OPCML: variants seen among roughly 807,000 people sequenced by gnomAD.
The protein encoded by OPCML is opioid-binding protein/cell adhesion molecule.
OPCML carries 13 observed loss-of-function variants against 37.8 expected under a neutral mutation model. The observed-to-expected ratio is 0.34, with a 90% CI of 0.22 to 0.55. OPCML has a LOEUF of 0.55. Among genes scored for constraint, OPCML ranks in the 20% least tolerant of loss-of-function variants. The probability of loss-of-function intolerance (pLI) is 0.91; values close to 1 mark genes in which losing one functional copy is unlikely to be tolerated. For synonymous variants in OPCML, 176 were observed against 168.8 expected (o/e 1.04, Z -0.33); for missense variants, 341 against 435.6 (o/e 0.78, Z 1.93).
At chr11:132,603,480 C>T (rs1938066197) in intron 3 of OPCML, among the ~76,000 whole-genome samples, 1 of 152,214 alleles carries the variant, frequency 6.6e-6, no homozygotes, top group Non-Finnish European at 1.5e-5. Flanking sequence ...TCTACCATCA[C>T]TCCTCTGGTT....
chr11:132,435,465 G>C (rs990158064), intron 7 of OPCML, among the ~76,000 whole-genome samples: 2 of 152,230 alleles, frequency 1.3e-5, no homozygotes, highest in African/African-American at 4.8e-5. Flanking sequence ...AAATGTTGCA[G>C]AAGGATATGG....
chr11:133,280,521 C>T (rs1942116062), intron 1 of OPCML, among the ~76,000 whole-genome samples: 1 of 152,154 alleles, frequency 6.6e-6, no homozygotes, highest in Admixed American at 6.5e-5. Context: ...AATTTCAAGA[C>T]AAGATCAAAT....
intron 1 of OPCML, among the ~76,000 whole-genome samples, chr11:132,949,902 G>T (rs1414168141): frequency 6.6e-6 from 1 of 152,182 alleles, no homozygotes; most frequent in Non-Finnish European, 1.5e-5. Context: ...ATTAAGAAAA[G>T]GTGTGATGAT....
At chr11:133,449,683 C>T (rs1946540931) in intron 1 of OPCML, among the ~76,000 whole-genome samples, 1 of 150,856 alleles carries the variant, frequency 6.6e-6, no homozygotes, top group African/African-American at 2.5e-5. Flanking sequence ...CTCTCTGTGT[C>T]CTCCCCTCAT....
intron 1 of OPCML, among the ~76,000 whole-genome samples, chr11:133,434,788 T>TTATATATATGTATATATATATATATA (rs1946197662): frequency 8.4e-6 from 1 of 119,202 alleles, no homozygotes; most frequent in Non-Finnish European, 1.7e-5. Context: ...AAAAAAAAAA[T>TTATATATATGTATATATATATATATA]TATATATATG....
chr11:133,454,341 A>G (rs1440079390), intron 1 of OPCML, among the ~76,000 whole-genome samples: 2 of 152,240 alleles, frequency 1.3e-5, no homozygotes, highest in Non-Finnish European at 2.9e-5. Flanking sequence ...GTCTGTCACT[A>G]TTCTTTGCTG....
chr11:133,218,625 G>A (rs1362578927), intron 1 of OPCML, among the ~76,000 whole-genome samples: 1 of 152,154 alleles, frequency 6.6e-6, no homozygotes, highest in East Asian at 1.9e-4. Context: ...CCAATTCATT[G>A]GTGATGTCTG....
intron 1 of OPCML, among the ~76,000 whole-genome samples, chr11:133,257,112 C>T (rs999555319): frequency 1.3e-5 from 2 of 152,190 alleles, no homozygotes; most frequent in Admixed American, 6.5e-5. Flanking sequence ...TTGCACCCTA[C>T]CTCGGTCCAC....
intron 1 of OPCML, among the ~76,000 whole-genome samples, chr11:133,139,605 A>G (rs991673706): frequency 1.3e-5 from 2 of 152,222 alleles, no homozygotes; most frequent in African/African-American, 2.4e-5. Flanking sequence ...GGGAAGGAGT[A>G]ATTAGAAGAA....
intron 1 of OPCML, among the ~76,000 whole-genome samples, chr11:133,267,078 G>A (rs184213223): frequency 5.8e-4 from 89 of 152,162 alleles, no homozygotes; most frequent in Non-Finnish European, 1.1e-3. Context: ...TGTTTCCCTA[G>A]AGAGGCTGTT....
chr11:133,416,400 G>T lies in OPCML; in HGVS notation c.61+115864C>A, dbSNP rs548805822. Among the ~76,000 whole-genome samples the T allele has an allele frequency of 2.4e-3, 358 of 152,232 alleles. 2 individuals carry two copies. The highest frequency in any genetic ancestry group is 8.2e-3 in the African/African-American group (339 of 41,546). ...TTATCCAGTCCACCTCTGCCTGTAG[G>T]ACCTTCCTTCCAGTCAAATAAGCTG... On this transcript the variant is annotated intron_variant, in intron 1 of 7. Coordinates refer to ENST00000524381, the MANE Select transcript of OPCML (RefSeq NM_001012393.5).
At chr11:133,328,319 A>G (rs60031883) in intron 1 of OPCML, among the ~76,000 whole-genome samples, 2,225 of 152,040 alleles carry the variant, frequency 0.015, 50 homozygotes, top group African/African-American at 0.05. Context: ...CATCATGCCC[A>G]GCTGATTTTT....
chr11:133,377,600 T>G (rs4073608), intron 1 of OPCML, among the ~76,000 whole-genome samples: 10,757 of 41,540 alleles, frequency 0.26, 528 homozygotes, highest in Admixed American at 0.4. Context: ...CTCTCTGACG[T>G]GCCAGTATTC....
At position 132,763,634 on chromosome 11, in the gene OPCML, G is replaced by A. The variant is rs74362968; in HGVS notation, c.147-106315C>T. 7.5e-4 allele frequency among the ~76,000 whole-genome samples: 114 copies of A among 152,300 alleles called. 3 individuals are homozygous for A. The East Asian group carries it at 0.02, about 27-fold the overall frequency. ...GTAATGAGTTGTAAACATCTGAAAG[G>A]AGCTACTGATTAATACAGAAGAAGA... On this transcript the variant is annotated intron_variant, in intron 2 of 7. Coordinates refer to ENST00000524381, the MANE Select transcript of OPCML (RefSeq NM_001012393.5).
At chr11:132,558,221 T>C (rs1159554449) in intron 3 of OPCML, among the ~76,000 whole-genome samples, 1 of 151,822 alleles carries the variant, frequency 6.6e-6, no homozygotes, top group Non-Finnish European at 1.5e-5. Context: ...CCTTTCTCTT[T>C]TTCTTCTTCC....
intron 1 of OPCML, among the ~76,000 whole-genome samples, chr11:133,476,592 G>C (rs759198759): frequency 3.9e-5 from 6 of 152,146 alleles, no homozygotes. Flanking sequence ...TTGGGCATTT[G>C]TGATGTGTTG....
intron 1 of OPCML, among the ~76,000 whole-genome samples, chr11:133,054,016 T>C (rs74547108): frequency 6.6e-6 from 1 of 152,362 alleles, no homozygotes; most frequent in African/African-American, 2.4e-5. Flanking sequence ...CCATTCTTAC[T>C]TTCTCAGGCT....
intron 1 of OPCML, among the ~76,000 whole-genome samples, chr11:133,244,476 A>G (rs1045816811): frequency 2.0e-5 from 3 of 152,150 alleles, no homozygotes; most frequent in Non-Finnish European, 4.4e-5. Flanking sequence ...CACGGGGTAT[A>G]GAACAGGTAA....
At chr11:132,495,943 G>T (rs1353687740) in intron 4 of OPCML, among the ~76,000 whole-genome samples, 5 of 151,594 alleles carry the variant, frequency 3.3e-5, no homozygotes, top group Non-Finnish European at 7.4e-5. Context: ...AAGCCAAGTT[G>T]ATTCATTTCA....
Sources: gnomAD v4.1 joint callset for allele counts (sites outside exome capture counted in the v4.1 genomes callset) on GRCh38, gnomAD v4.1.1 for gene constraint, MANE v1.5 for transcripts, NCBI Gene and HGNC (gene_info 2026-07-23, HGNC 2026-07-21) for gene names.